The following FREM2 variants were observed in gnomAD, a reference collection of about 807,000 sequenced individuals.
The protein encoded by FREM2 is FRAS1 related extracellular matrix 2.
A neutral mutation model predicts 219.9 loss-of-function variants in FREM2; 119 were observed. The observed-to-expected ratio is 0.54, with a 90% CI of 0.47 to 0.63. The LOEUF is 0.63. Among genes scored for constraint, FREM2 ranks in the 30% least tolerant of loss-of-function variants. The probability of loss-of-function intolerance (pLI) is 0.00; values close to 1 mark genes in which losing one functional copy is unlikely to be tolerated. For missense variants in FREM2, 4,030 were observed against 3,993.6 expected, an observed-to-expected ratio of 1.01 and a Z score of -0.25; for synonymous variants, 1,562 against 1,522.8, an observed-to-expected ratio of 1.03 and a Z score of -0.60.
chr13:38,695,995 G>A (rs1357346076), intron 1 of FREM2, among the ~76,000 whole-genome samples: 1 of 152,180 alleles, frequency 6.6e-6, no homozygotes, highest in Non-Finnish European at 1.5e-5. Flanking sequence ...GGCAGCAAGT[G>A]TGGAAAGTTA....
At chr13:38,811,616 T>C (rs1178220864) in intron 6 of FREM2, among the ~76,000 whole-genome samples, 1 of 152,114 alleles carries the variant, frequency 6.6e-6, no homozygotes, top group Admixed American at 6.6e-5. Flanking sequence ...TTCCAAAGTT[T>C]ATCTTGTTTT....
chr13:38,830,817 G>A (rs1226075106), intron 6 of FREM2, among the ~76,000 whole-genome samples: 5 of 151,998 alleles, frequency 3.3e-5, no homozygotes, highest in Non-Finnish European at 7.4e-5. Flanking sequence ...TCTCCATCTC[G>A]GGAACCTCTG....
chr13:38,832,912 G>A (rs9603445), intron 6 of FREM2, among the ~76,000 whole-genome samples: 20,041 of 151,932 alleles, frequency 0.13, 2,641 homozygotes, highest in African/African-American at 0.35. Flanking sequence ...GGTCATGCAC[G>A]CTTGTAGTCC....
intron 6 of FREM2, among the ~76,000 whole-genome samples, chr13:38,802,898 C>G (rs957108153): frequency 1.3e-5 from 2 of 152,152 alleles, no homozygotes; most frequent in Non-Finnish European, 2.9e-5. Context: ...CTGTCACTTA[C>G]CCTTTCCGCA....
rs1195689478 is a variant in FREM2 at position 38,864,336 on chromosome 13, T to C, written c.7713T>C (p.Asp2571=). 2 of 1,614,194 alleles carry C rather than the reference T, an allele frequency of 1.2e-6. No individual in the cohort carries two copies. Among genetic ancestry groups the C allele is most frequent in the South Asian group, 1.1e-5 (1 of 91,084 alleles). ...ACTTTGAGCTCACCCTCAGCCCTGA[T>C]GGCACAAGAGTTGGAAACCACAAGT... ...LSNFELTLSP[D]GTRVGNHKCS... is the part of the protein sequence containing the mutation. The change falls in exon 16 of 24, where the codon GAT becomes GAC. Residue 2571 remains aspartate, a synonymous_variant. Transcript: ENST00000280481.
intron 4 of FREM2, among the ~76,000 whole-genome samples, chr13:38,781,779 C>T (rs1335026119): frequency 6.6e-6 from 1 of 152,068 alleles, no homozygotes; most frequent in African/African-American, 2.4e-5. Flanking sequence ...CTGTTAATAC[C>T]TAGGCATGGT....
intron 6 of FREM2, among the ~76,000 whole-genome samples, chr13:38,844,342 A>G (rs1566163665): frequency 2.0e-5 from 3 of 152,150 alleles, no homozygotes; most frequent in South Asian, 2.1e-4. Flanking sequence ...ACATGCATAT[A>G]AAACACATGT....
At chr13:38,858,925 A>G (rs2137919795) in intron 13 of FREM2, among the ~76,000 whole-genome samples, 1 of 146,920 alleles carries the variant, frequency 6.8e-6, no homozygotes, top group African/African-American at 2.5e-5. Flanking sequence ...CAATACTGTT[A>G]AAGAAGAATC....
chr13:38,748,290 AT>A (rs1872568897), intron 2 of FREM2, among the ~76,000 whole-genome samples: 1 of 152,178 alleles, frequency 6.6e-6, no homozygotes, highest in Non-Finnish European at 1.5e-5. Flanking sequence ...TTATTTTGCC[AT>A]TTGGATTAGG....
At chr13:38,829,297 A>G (rs1045948035) in intron 6 of FREM2, among the ~76,000 whole-genome samples, 2 of 152,152 alleles carry the variant, frequency 1.3e-5, no homozygotes, top group African/African-American at 4.8e-5. Context: ...GTTGATAGTA[A>G]GAGTTTCTAA....
At chr13:38,697,817 G>T in intron 2 of FREM2, 30 bp downstream of exon 2, 2 of 1,238,864 alleles carry the variant, frequency 1.6e-6, no homozygotes, top group Non-Finnish European at 2.4e-6. Flanking sequence ...GGTAGTGACC[G>T]CAAGGAGAGA....
In FREM2 at chr13:38,784,740, C is replaced by A; in HGVS notation, c.5951C>A (p.Pro1984His). ...ACCTTCCATGTCCTTCTGAGCATGCCCATGGGGGGAAGAATCGGATCAGAG... is the reference window on the plus strand; with the variant it reads ...ACCTTCCATGTCCTTCTGAGCATGCACATGGGGGGAAGAATCGGATCAGAG... ...EETFHVLLSM[P>H]MGGRIGSEFP... The change falls in exon 6 of 24, where the codon CCC becomes CAC. Residue 1984 changes from proline (P) to histidine (H), a missense_variant. Transcript: ENST00000280481. 6.2e-7 allele frequency: 1 copy of A among 1,614,030 alleles called. No homozygotes were observed. The highest frequency in any genetic ancestry group is 8.5e-7 in the Non-Finnish European group (1 of 1,179,958).
At position 38,690,323 on chromosome 13, in the gene FREM2, A is replaced by C; in HGVS notation, c.2979A>C (p.Glu993Asp). The C allele has an allele frequency of 6.2e-7, 1 of 1,614,194 alleles. No individual in the cohort carries two copies. Among genetic ancestry groups the C allele is most frequent in the Non-Finnish European group, 8.5e-7 (1 of 1,180,014 alleles). Residue 993 changes from glutamate to aspartate, a missense_variant, in exon 1 of 24, where the codon GAA (glutamate) becomes GAC (aspartate). By Grantham distance (45) the Glu-to-Asp change is conservative. Transcript: ENST00000280481. ...TGGAAGATCCACCTTTGTATGGGGA[A>C]ATCTTGGTCAATGGCATTCCAGCAG... The part of the protein sequence containing the change: ...FLLEDPPLYG[E>D]ILVNGIPAEQ...
chr13:38,755,588 C>A (rs932264273), intron 2 of FREM2, among the ~76,000 whole-genome samples: 3 of 152,166 alleles, frequency 2.0e-5, no homozygotes, highest in African/African-American at 7.2e-5. Flanking sequence ...TCCCTACACT[C>A]AGATGATTAA....
chr13:38,834,465 C>A (rs369183939), intron 6 of FREM2, among the ~76,000 whole-genome samples: 5 of 152,242 alleles, frequency 3.3e-5, no homozygotes, highest in African/African-American at 1.2e-4. Context: ...GCTATATACC[C>A]AGTAATGGGA....
At chr13:38,744,203 C>CTTTT (rs11308232) in intron 2 of FREM2, among the ~76,000 whole-genome samples, 8 of 51,746 alleles carry the variant, frequency 1.5e-4, no homozygotes, top group Non-Finnish European at 2.7e-4. Context: ...GAGGTAAATC[C>CTTTT]TTTTTTTTTT....
intron 2 of FREM2, among the ~76,000 whole-genome samples, chr13:38,727,016 A>G (rs1464196289): frequency 7.2e-5 from 11 of 152,194 alleles, no homozygotes; most frequent in Admixed American, 7.2e-4. Flanking sequence ...AAAATTCTTT[A>G]TTGAATCTAA....
Position 38,874,490 on chromosome 13 carries a change from T to A in FREM2, c.8185T>A (p.Tyr2729Asn), listed in dbSNP as rs779316446. ...TACTCTCCCCATTATAGGTTCTCTC[T>A]ATCCAACCAGCATGCGCATCGGTGA... ...PPEAELQGSL[Y>N]PTSMRIGDEG... Residue 2729 changes from tyrosine (Y) to asparagine (N), a missense_variant, in exon 18 of 24, where the codon TAT becomes AAT. Coordinates refer to ENST00000280481, the MANE Select transcript of FREM2 (RefSeq NM_207361.6). The A allele has an allele frequency of 6.2e-7, 1 of 1,613,786 alleles. No homozygotes were observed. Among genetic ancestry groups the A allele is most frequent in the Non-Finnish European group, 8.5e-7 (1 of 1,179,666 alleles).
chr13:38,754,885 TGATGATGATGATGATG>T (rs1872922052), intron 2 of FREM2, among the ~76,000 whole-genome samples: 1 of 100,438 alleles, frequency 1.0e-5, no homozygotes, highest in Non-Finnish European at 2.1e-5. Context: ...ATGATGATGA[TGATGATGATGATGATG>T]ATTATTATTA....
Sources: gnomAD v4.1 joint callset for allele counts (sites outside exome capture counted in the v4.1 genomes callset) on GRCh38, gnomAD v4.1.1 for gene constraint, MANE v1.5 for transcripts, NCBI Gene and HGNC (gene_info 2026-07-23, HGNC 2026-07-21) for gene names.